SGCE: variants seen among roughly 807,000 people sequenced by gnomAD.
The protein encoded by SGCE is sarcoglycan epsilon, also known as epsilon-sarcoglycan.
SGCE carries 26 observed loss-of-function variants against 57.8 expected under a neutral mutation model. The observed-to-expected ratio is 0.45, with a 90% CI of 0.33 to 0.62. SGCE has a LOEUF of 0.62. SGCE is among the 20% of genes least tolerant of loss of function. The pLI is 0.02. For synonymous variants in SGCE, 183 were observed against 189.5 expected (o/e 0.97, Z 0.28); for missense variants, 468 against 548.6 (o/e 0.85, Z 1.47).
intron 8 of SGCE, chr7:94,599,464 T>G (rs1475409140): frequency 1.9e-6 from 1 of 522,710 alleles, no homozygotes; most frequent in Non-Finnish European, 3.4e-6. Context: ...ATTCTGAATC[T>G]GAAATATTTT....
At chr7:94,629,513 T>C in intron 2 of SGCE, 1 of 495,268 alleles carries the variant, frequency 2.0e-6, no homozygotes, top group Non-Finnish European at 3.6e-6. Context: ...TCCAGAAATA[T>C]GCTTTCCTTA....
chr7:94,603,406 G>T lies in SGCE; in HGVS notation c.709C>A (p.Arg237=). ...GADVPFSSCL[R]EVENPQNQLR... ...TGATTCTGTGGATTTTCAACTTCTCGTAAACAAGAAGAAAACGGGACATCT... is the reference window on the plus strand; with the variant it reads ...TGATTCTGTGGATTTTCAACTTCTCTTAAACAAGAAGAAAACGGGACATCT... The change falls in exon 6 of 11, where the codon CGA becomes AGA. Residue 237 remains arginine, a synonymous_variant. Transcript: ENST00000648936. 6.2e-7 allele frequency: 1 copy of T among 1,613,026 alleles called. No individual in the cohort carries two copies. The highest frequency in any genetic ancestry group is 8.5e-7 in the Non-Finnish European group (1 of 1,179,320).
chr7:94,599,789 G>T, intron 7 of SGCE, 66 bp from the exon 8 acceptor site: 2 of 1,107,236 alleles, frequency 1.8e-6, no homozygotes, highest in Non-Finnish European at 1.4e-6. Context: ...AAGACTATAT[G>T]CTCATGGGAT....
chr7:94,623,750 A>G, intron 3 of SGCE: 3 of 395,984 alleles, frequency 7.6e-6, no homozygotes, highest in Non-Finnish European at 8.9e-6. Context: ...AAAAAAAACA[A>G]TAATTTTTGT....
intron 5 of SGCE, among the ~76,000 whole-genome samples, chr7:94,613,323 ATGT>A (rs1801362561): frequency 6.6e-6 from 1 of 152,208 alleles, no homozygotes; most frequent in African/African-American, 2.4e-5. Context: ...GTTTTTCATA[ATGT>A]TGTTTTCCTT....
intron 5 of SGCE, among the ~76,000 whole-genome samples, chr7:94,608,418 A>C (rs1800494590): frequency 6.6e-6 from 1 of 152,242 alleles, no homozygotes; most frequent in African/African-American, 2.4e-5. Flanking sequence ...GAAAGAAATC[A>C]AAGAAGACCT....
At chr7:94,629,325 C>T (rs1804282419) in intron 2 of SGCE, 1 of 166,832 alleles carries the variant, frequency 6.0e-6, no homozygotes, top group Non-Finnish European at 1.3e-5. Context: ...TTTTTAAAAG[C>T]TCTTACCTAA....
chr7:94,622,488 G>T (rs1185904593), intron 4 of SGCE: 1 of 152,142 alleles, frequency 6.6e-6, no homozygotes, highest in Non-Finnish European at 1.5e-5. Flanking sequence ...AATTAGCCGG[G>T]TGTGGTGGCA....
At chr7:94,588,119 AT>A (rs1009544352) in intron 10 of SGCE, 1 of 1,162,420 alleles carries the variant, frequency 8.6e-7, no homozygotes, top group South Asian at 3.4e-5. Context: ...GCTGTGGAAA[AT>A]TTTTAGGGAC....
At chr7:94,618,689 T>C (rs1202447411) in intron 5 of SGCE, 69 bp downstream of exon 5, 2 of 1,325,218 alleles carry the variant, frequency 1.5e-6, no homozygotes, top group Non-Finnish European at 2.2e-6. Context: ...CTTCCATCTA[T>C]AATAAGTTTG....
chr7:94,615,942 A>AG (rs1030196820), intron 5 of SGCE, among the ~76,000 whole-genome samples: 1 of 152,252 alleles, frequency 6.6e-6, no homozygotes, highest in African/African-American at 2.4e-5. Flanking sequence ...GCCCAGAAAC[A>AG]GCACAGTTGC....
chr7:94,613,627 T>C (rs1208285399), intron 5 of SGCE, among the ~76,000 whole-genome samples: 1 of 152,226 alleles, frequency 6.6e-6, no homozygotes, highest in Non-Finnish European at 1.5e-5. Flanking sequence ...CCTTTACATT[T>C]ATAATGTGAA....
intron 10 of SGCE, chr7:94,587,526 A>G: frequency 4.6e-6 from 6 of 1,300,414 alleles, no homozygotes; most frequent in Non-Finnish European, 3.9e-6. Flanking sequence ...CTTTTAAAAA[A>G]TAGCTGTGAA....
At chr7:94,594,707 G>T (rs1798148042) in intron 9 of SGCE, among the ~76,000 whole-genome samples, 1 of 152,016 alleles carries the variant, frequency 6.6e-6, no homozygotes. Flanking sequence ...AGGCGTATCT[G>T]GGAACTCTCT....
intron 6 of SGCE, 42 bp from the exon 7 acceptor site, chr7:94,600,899 C>G (rs1179719646): frequency 6.1e-6 from 9 of 1,478,954 alleles, no homozygotes; most frequent in Admixed American, 1.8e-5. Context: ...TTAATCGTTG[C>G]AAACATTATG....
chr7:94,650,508 G>A (rs1807729435), intron 1 of SGCE, among the ~76,000 whole-genome samples: 1 of 152,212 alleles, frequency 6.6e-6, no homozygotes, highest in Non-Finnish European at 1.5e-5. Flanking sequence ...GGGAGAGATA[G>A]GAGGGTGTGT....
intron 9 of SGCE, 57 bp downstream of exon 9, chr7:94,598,718 G>A: frequency 8.7e-7 from 1 of 1,146,764 alleles, no homozygotes. Flanking sequence ...GTTCTTTACA[G>A]ATATTAGTAA....
At chr7:94,623,432 A>G (rs369567633) in intron 3 of SGCE, 35 bp from the exon 4 acceptor site, 240 of 1,307,972 alleles carry the variant, frequency 1.8e-4, no homozygotes, top group Non-Finnish European at 2.4e-4. Context: ...AAAGAAGTGA[A>G]ATGTTCTTTG....
chr7:94,600,447 T>C, intron 7 of SGCE, 199 bp downstream of exon 7: 1 of 552,452 alleles, frequency 1.8e-6, no homozygotes, highest in Admixed American at 3.2e-5. Flanking sequence ...AATAAAGTAA[T>C]TATATCCCCT....
Sources: allele counts gnomAD v4.1 joint callset (sites outside exome capture counted in the v4.1 genomes callset), GRCh38; gene constraint gnomAD v4.1.1; transcripts MANE v1.5; gene names NCBI Gene and HGNC (gene_info 2026-07-23, HGNC 2026-07-21).